SMOC2: variants seen among roughly 807,000 people sequenced by gnomAD.
SMOC2 encodes the protein SPARC-related modular calcium-binding protein 2.
Under a neutral mutation model 61.4 loss-of-function variants are expected in SMOC2, and 39 were observed. The observed-to-expected ratio is 0.64, with a 90% CI of 0.49 to 0.83. SMOC2 has a LOEUF of 0.83. Ranked by LOEUF, SMOC2 falls within the 40% of genes least tolerant of loss-of-function variation. The probability of loss-of-function intolerance (pLI) is 0.00; values close to 1 mark genes in which losing one functional copy is unlikely to be tolerated. For synonymous variants in SMOC2, 247 were observed against 239.9 expected (o/e 1.03, Z -0.27); for missense variants, 556 against 592.9 (o/e 0.94, Z 0.65).
intron 9 of SMOC2, among the ~76,000 whole-genome samples, chr6:168,639,452 G>C (rs1786835793): frequency 6.6e-6 from 1 of 152,338 alleles, no homozygotes; most frequent in Non-Finnish European, 1.5e-5. Context: ...ACCTGAGTAG[G>C]ATAGGGTATC....
intron 4 of SMOC2, among the ~76,000 whole-genome samples, chr6:168,533,944 A>G (rs1783672723): frequency 6.6e-6 from 1 of 152,182 alleles, no homozygotes; most frequent in Non-Finnish European, 1.5e-5. Context: ...TCTGAATTTT[A>G]TCTGTTTAAA....
chr6:168,523,895 A>G (rs1412316714), intron 2 of SMOC2, among the ~76,000 whole-genome samples: 1 of 152,202 alleles, frequency 6.6e-6, no homozygotes, highest in Non-Finnish European at 1.5e-5. Flanking sequence ...ATCTGTAAAT[A>G]AGGTTTCCAG....
chr6:168,586,159 TTGTG>T (rs1785043595), intron 7 of SMOC2, among the ~76,000 whole-genome samples: 1 of 152,142 alleles, frequency 6.6e-6, no homozygotes, highest in African/African-American at 2.4e-5. Context: ...TCAAATAAAT[TTGTG>T]TGTGTGGTGA....
chr6:168,570,982 G>A (rs924664382), intron 7 of SMOC2, among the ~76,000 whole-genome samples: 8 of 152,100 alleles, frequency 5.3e-5, no homozygotes, highest in African/African-American at 9.7e-5. Context: ...CCAATGGAGC[G>A]TAGCTGTCTG....
intron 1 of SMOC2, among the ~76,000 whole-genome samples, chr6:168,443,599 G>C (rs781599761): frequency 1.3e-5 from 2 of 152,234 alleles, no homozygotes; most frequent in Non-Finnish European, 2.9e-5. Flanking sequence ...AAGTAGTTGA[G>C]TTACAAAGTA....
intron 7 of SMOC2, among the ~76,000 whole-genome samples, chr6:168,589,383 C>T (rs1159684452): frequency 6.6e-6 from 1 of 152,260 alleles, no homozygotes; most frequent in Admixed American, 6.5e-5. Flanking sequence ...TCCTTGACAA[C>T]AACAGCAATG....
At chr6:168,559,043 G>T (rs918254014) in intron 7 of SMOC2, among the ~76,000 whole-genome samples, 8 of 152,246 alleles carry the variant, frequency 5.3e-5, no homozygotes, top group African/African-American at 1.4e-4. Flanking sequence ...AAATCGTAGT[G>T]ACAGGATTAA....
intron 5 of SMOC2, among the ~76,000 whole-genome samples, chr6:168,545,294 A>G (rs1783966728): frequency 6.6e-6 from 1 of 152,084 alleles, no homozygotes; most frequent in Non-Finnish European, 1.5e-5. Context: ...GTACATGGGC[A>G]TGAAAGTGAG....
chr6:168,578,767 G>A (rs1220462135), intron 7 of SMOC2, among the ~76,000 whole-genome samples: 1 of 152,240 alleles, frequency 6.6e-6, no homozygotes, highest in Non-Finnish European at 1.5e-5. Flanking sequence ...CTCAGCAAAA[G>A]TGCCTATTAT....
At chr6:168,652,859 T>C in intron 10 of SMOC2, 95 bp from the exon 11 acceptor site, 1 of 1,193,780 alleles carries the variant, frequency 8.4e-7, no homozygotes, top group Non-Finnish European at 1.2e-6. Context: ...CCATGAGAAC[T>C]ACAAGCAGGG....
In SMOC2 at chr6:168,510,204, C is replaced by CT. The variant is rs528173321; in HGVS notation, c.256+125dup. The CT allele has an allele frequency of 7.6e-5, 72 of 946,388 alleles. No homozygotes were observed. In the Admixed American group the frequency reaches 1.3e-3, roughly 16 times the overall value. The allele number at this position is 946,388 out of a possible 1,614,324, so 58.6% of individuals were successfully genotyped here. A position where few individuals can be genotyped will look rare whatever the true frequency, so the allele number is the denominator to read the frequency against. Reference sequence around the variant, plus strand: ...TTACAAACTCGGGTTTATGTTGGCTCTTTTTTTACAGCATGTAAGGAAGAA... The same window carrying CT: ...TTACAAACTCGGGTTTATGTTGGCTCTTTTTTTTACAGCATGTAAGGAAGAA... On this transcript the variant is annotated intron_variant, in intron 2 of 12. Coordinates refer to ENST00000356284, the MANE Select transcript of SMOC2 (RefSeq NM_001166412.2).
At chr6:168,473,195 T>G (rs1782003422) in intron 1 of SMOC2, among the ~76,000 whole-genome samples, 1 of 152,162 alleles carries the variant, frequency 6.6e-6, no homozygotes, top group Non-Finnish European at 1.5e-5. Flanking sequence ...CTGAGACCAC[T>G]GAGACCTTCC....
intron 7 of SMOC2, among the ~76,000 whole-genome samples, chr6:168,571,822 C>T (rs1215073323): frequency 6.9e-6 from 1 of 144,902 alleles, no homozygotes; most frequent in African/African-American, 2.5e-5. Context: ...TCCCTGGGTG[C>T]TGGGACCAGG....
chr6:168,526,438 G>C lies in SMOC2; in HGVS notation c.349G>C (p.Gly117Arg), dbSNP rs150664211. 6.2e-7 allele frequency: 1 copy of C among 1,614,032 alleles called. No homozygotes were observed. The highest frequency in any genetic ancestry group is 1.7e-5 in the Admixed American group (1 of 60,020). Residue 117 changes from glycine to arginine, a missense_variant, in exon 3 of 13, where the codon GGC (glycine) becomes CGC (arginine). Physicochemically the swap from Gly to Arg is moderately radical, Grantham distance 125. Coordinates refer to ENST00000356284, the MANE Select transcript of SMOC2 (RefSeq NM_001166412.2). ...QVFIPECNDD[G>R]TYSQVQCHSY... Reference sequence around the variant, plus strand: ...GTTCATTCCTGAGTGCAATGACGACGGCACCTACAGTCAGGTTACCGGCCT... The same window carrying C: ...GTTCATTCCTGAGTGCAATGACGACCGCACCTACAGTCAGGTTACCGGCCT...
At chr6:168,570,586 C>T (rs372247012) in intron 7 of SMOC2, among the ~76,000 whole-genome samples, 11 of 152,090 alleles carry the variant, frequency 7.2e-5, no homozygotes, top group African/African-American at 2.4e-4. Context: ...GAAAGCAAAT[C>T]GGAGGCACTG....
intron 7 of SMOC2, among the ~76,000 whole-genome samples, chr6:168,563,990 T>TG (rs1784485655): frequency 6.6e-6 from 1 of 152,074 alleles, no homozygotes; most frequent in African/African-American, 2.4e-5. Context: ...GTAGAACCTC[T>TG]GGGGTGGGTG....
intron 7 of SMOC2, among the ~76,000 whole-genome samples, chr6:168,557,675 C>T (rs1004237313): frequency 1.3e-5 from 2 of 152,126 alleles, no homozygotes; most frequent in Non-Finnish European, 2.9e-5. Context: ...CTGCTGTTGG[C>T]GTCACTAGTT....
At chr6:168,490,396 C>T (rs1009133948) in intron 1 of SMOC2, among the ~76,000 whole-genome samples, 4 of 152,144 alleles carry the variant, frequency 2.6e-5, no homozygotes, top group African/African-American at 9.7e-5. Context: ...TGTGTCTCGT[C>T]AAGGCGCGCA....
intron 5 of SMOC2, among the ~76,000 whole-genome samples, chr6:168,546,552 C>T (rs914662133): frequency 2.0e-5 from 3 of 152,130 alleles, no homozygotes; most frequent in Non-Finnish European, 2.9e-5. Context: ...GCCCTGTCCC[C>T]TCCACCCCGT....
Sources: allele counts gnomAD v4.1 joint callset (sites outside exome capture counted in the v4.1 genomes callset), GRCh38; gene constraint gnomAD v4.1.1; transcripts MANE v1.5; gene names NCBI Gene and HGNC (gene_info 2026-07-23, HGNC 2026-07-21).